PCDHA4: variants seen among roughly 807,000 people sequenced by gnomAD.
The protein encoded by PCDHA4 is protocadherin alpha-4.
A neutral mutation model predicts 61.4 loss-of-function variants in PCDHA4; 49 were observed. The ratio of observed to expected loss-of-function variants is 0.80; its 90% CI spans 0.63 to 1.01. The LOEUF (loss-of-function observed/expected upper bound fraction) is 1.01, where lower values mean the gene tolerates loss of function less well. PCDHA4 is among the 50% of genes least tolerant of loss of function. The pLI is 0.00. For missense variants in PCDHA4, 1,254 were observed against 1,235.8 expected (o/e 1.01, Z -0.22); for synonymous variants, 590 against 550.3 (o/e 1.07, Z -1.01).
At chr5:140,961,604 T>C (rs2095623962) in intron 1 of PCDHA4, among the ~76,000 whole-genome samples, 1 of 152,190 alleles carries the variant, frequency 6.6e-6, no homozygotes, top group Non-Finnish European at 1.5e-5. Context: ...TTCTAGTAAA[T>C]GAAACTAAAG....
intron 1 of PCDHA4, among the ~76,000 whole-genome samples, chr5:140,906,586 C>G (rs1199094981): frequency 6.6e-6 from 1 of 152,218 alleles, no homozygotes; most frequent in African/African-American, 2.4e-5. Context: ...TGATGACTAC[C>G]TTCCTCTACT....
At chr5:140,812,428 A>G (rs2126638878) in intron 1 of PCDHA4, 1 of 152,080 alleles carries the variant, frequency 6.6e-6, no homozygotes, top group East Asian at 1.9e-4. Context: ...TTTTCAAAAA[A>G]TCAACTAAGT....
rs1305500600 is a variant in PCDHA4, at chr5:140,846,627, G to A, written c.2385+37055G>A. On this transcript the variant is annotated intron_variant, in intron 1 of 3. Transcript: ENST00000530339. Reference sequence around the variant, plus strand: ...CTGACCTCCTGATCCGCCCACTTCGGCCTCCTAAAGTGCTGGGATTACAGG... The same window carrying A: ...CTGACCTCCTGATCCGCCCACTTCGACCTCCTAAAGTGCTGGGATTACAGG... Among the ~76,000 whole-genome samples, 7 of 148,870 alleles carry A rather than the reference G, an allele frequency of 4.7e-5. No individual in the cohort carries two copies. In the Admixed American group the frequency reaches 4.7e-4, roughly 10 times the overall value.
chr5:140,960,789 T>C (rs1221128371), intron 1 of PCDHA4, among the ~76,000 whole-genome samples: 3 of 152,058 alleles, frequency 2.0e-5, no homozygotes. Context: ...CCAAACAAGG[T>C]TTCTATTAAA....
chr5:140,872,265 T>G (rs2053570965), intron 1 of PCDHA4, among the ~76,000 whole-genome samples: 1 of 152,164 alleles, frequency 6.6e-6, no homozygotes, highest in South Asian at 2.1e-4. Context: ...TGTTTTCATA[T>G]TGTTTGAAGA....
Position 140,828,776 on chromosome 5 carries a change from C to T in PCDHA4, c.2385+19204C>T, listed in dbSNP as rs200187130. ...TGAGCTCACAGGCACTGTTCAGCTG[C>T]TGGTCACAGTGCTGGATGTGAATGA... On this transcript the variant is annotated intron_variant, in intron 1 of 3. Transcript: ENST00000530339. 318 of 1,614,178 alleles carry T rather than the reference C, an allele frequency of 2.0e-4. No homozygotes were observed. The East Asian group carries it at 7.0e-3, about 35-fold the overall frequency.
Position 140,856,334 on chromosome 5 carries a change from G to C in PCDHA4, c.2385+46762G>C, listed in dbSNP as rs1262477114. 11 of 1,598,498 alleles carry C rather than the reference G, an allele frequency of 6.9e-6. 1 individual carries two copies. The Admixed American group carries it at 1.3e-4, about 20-fold the overall frequency. On this transcript the variant is annotated intron_variant, in intron 1 of 3. Coordinates refer to ENST00000530339, the MANE Select transcript of PCDHA4 (RefSeq NM_018907.4). ...TCGGATTGACCGCGAGGAGCTGTGC[G>C]GGCGGAGCGTGGAGTGCAGCATCCA...
chr5:140,862,813 T>C lies in PCDHA4; in HGVS notation c.2385+53241T>C. 2 of 571,594 alleles carry C rather than the reference T, an allele frequency of 3.5e-6. 1 individual carries two copies. Among genetic ancestry groups the C allele is most frequent in the Non-Finnish European group, 6.7e-6 (2 of 297,160 alleles). The allele number at this position is 571,594 out of a possible 1,614,324, so 35.4% of individuals were successfully genotyped here. On this transcript the variant is annotated intron_variant, in intron 1 of 3. Coordinates refer to ENST00000530339, the MANE Select transcript of PCDHA4 (RefSeq NM_018907.4). ...CGAGGAGCTGGAGCTGCTGCAGTTC[T>C]AGGTGAGAGCGCGCGACGCGGGCAT... is the stretch of plus-strand genomic sequence containing the variant.
At chr5:140,911,620 C>T (rs2075566183) in intron 1 of PCDHA4, among the ~76,000 whole-genome samples, 1 of 152,146 alleles carries the variant, frequency 6.6e-6, no homozygotes, top group Non-Finnish European at 1.5e-5. Context: ...CTTAGTTCCC[C>T]ACATATGGTC....
intron 1 of PCDHA4, chr5:140,929,117 T>C (rs1554206704): frequency 1.9e-6 from 3 of 1,614,160 alleles, no homozygotes; most frequent in African/African-American, 2.7e-5. Context: ...TCAGCCACCA[T>C]AGATGTCACT....
At chr5:140,882,041 A>G (rs1374444489) in intron 1 of PCDHA4, 9 of 677,522 alleles carry the variant, frequency 1.3e-5, no homozygotes, top group African/African-American at 1.3e-4. Context: ...ATGAAGACTG[A>G]GTCATACTTA....
At chr5:140,856,384 G>C (rs202075661) in intron 1 of PCDHA4, 1 of 1,598,540 alleles carries the variant, frequency 6.3e-7, no homozygotes, top group African/African-American at 1.3e-5. Flanking sequence ...TGGACAGGCC[G>C]CTGCAGGTTT....
intron 1 of PCDHA4, among the ~76,000 whole-genome samples, chr5:140,937,501 C>T (rs2091550832): frequency 6.6e-6 from 1 of 152,126 alleles, no homozygotes; most frequent in Admixed American, 6.5e-5. Context: ...CCCGTAATCC[C>T]AGCTACTCAG....
At chr5:140,829,239 G>A (rs2150164534) in intron 1 of PCDHA4, 2 of 1,614,238 alleles carry the variant, frequency 1.2e-6, no homozygotes, top group East Asian at 2.2e-5. Context: ...GGTGCCAACG[G>A]GCAGGTGAAC....
At chr5:140,897,130 C>A (rs913808184) in intron 1 of PCDHA4, among the ~76,000 whole-genome samples, 11 of 152,118 alleles carry the variant, frequency 7.2e-5, no homozygotes, top group Non-Finnish European at 5.9e-5. Flanking sequence ...CCCCACTAAA[C>A]TTTCTAGCCT....
At chr5:140,831,510 T>C (rs1180915101) in intron 1 of PCDHA4, among the ~76,000 whole-genome samples, 2 of 137,202 alleles carry the variant, frequency 1.5e-5, no homozygotes, top group East Asian at 4.2e-4. Flanking sequence ...AGCACCACCA[T>C]GCCCCCCACC....
At chr5:140,898,583 G>C (rs1179481608) in intron 1 of PCDHA4, among the ~76,000 whole-genome samples, 2 of 152,124 alleles carry the variant, frequency 1.3e-5, no homozygotes, top group African/African-American at 4.8e-5. Context: ...TGCTGTTTTG[G>C]TTACTGTAGC....
Position 140,857,207 on chromosome 5 carries a change from T to C in PCDHA4, c.2385+47635T>C, listed in dbSNP as rs374547664. The C allele has an allele frequency of 2.5e-6, 4 of 1,598,416 alleles. No homozygotes were observed. In the African/African-American group the frequency reaches 5.4e-5, roughly 22 times the overall value. ...AGGAGCCAACGGACAGGTCACCTGC[T>C]CTCTGACGCCTCACGTTCCGTTCAA... is the stretch of plus-strand genomic sequence containing the variant. On this transcript the variant is annotated intron_variant, in intron 1 of 3. Transcript: ENST00000530339.
At chr5:140,967,219 C>G in intron 1 of PCDHA4, 1 of 1,613,772 alleles carries the variant, frequency 6.2e-7, no homozygotes, top group Non-Finnish European at 8.5e-7. Flanking sequence ...TCCCGCGGCC[C>G]AACTACCAGC....
Sources: allele counts gnomAD v4.1 joint callset (sites outside exome capture counted in the v4.1 genomes callset), GRCh38; gene constraint gnomAD v4.1.1; transcripts MANE v1.5; gene names NCBI Gene and HGNC (gene_info 2026-07-23, HGNC 2026-07-21).